UBE2R2: variants seen among roughly 807,000 people sequenced by gnomAD.
UBE2R2 encodes ubiquitin conjugating enzyme E2 R2.
In UBE2R2, 1 loss-of-function variant was observed where a neutral mutation model predicts 27.8. That is an observed-to-expected ratio of 0.04 (90% CI 0.01 to 0.17). UBE2R2 has a LOEUF of 0.17. UBE2R2 is among the 10% of genes least tolerant of loss of function. The pLI is 1.00. For synonymous variants in UBE2R2, 106 were observed against 113.3 expected (o/e 0.94, Z 0.41); for missense variants, 100 against 291.0 (o/e 0.34, Z 4.78).
intron 1 of UBE2R2, among the ~76,000 whole-genome samples, chr9:33,864,291 T>C (rs1489948602): frequency 6.6e-6 from 1 of 152,218 alleles, no homozygotes; most frequent in Non-Finnish European, 1.5e-5. Flanking sequence ...TGAGCTCCTG[T>C]GTTCAGAAGA....
At chr9:33,916,382 A>G (rs1251953732) in intron 4 of UBE2R2, among the ~76,000 whole-genome samples, 1 of 152,150 alleles carries the variant, frequency 6.6e-6, no homozygotes, top group African/African-American at 2.4e-5. Context: ...GGAATCTGGC[A>G]TAGGCATTTG....
At chr9:33,822,766 A>G (rs1197295761) in intron 1 of UBE2R2, among the ~76,000 whole-genome samples, 2 of 151,758 alleles carry the variant, frequency 1.3e-5, no homozygotes, top group Admixed American at 6.6e-5. Context: ...ATTATTTCCT[A>G]TGCTTCATTT....
At chr9:33,825,972 A>G (rs1437220146) in intron 1 of UBE2R2, among the ~76,000 whole-genome samples, 1 of 151,990 alleles carries the variant, frequency 6.6e-6, no homozygotes, top group Non-Finnish European at 1.5e-5. Flanking sequence ...GTGAAACCCC[A>G]TCTCTACTAA....
At chr9:33,911,460 T>A (rs1822489401) in intron 3 of UBE2R2, among the ~76,000 whole-genome samples, 1 of 146,266 alleles carries the variant, frequency 6.8e-6, no homozygotes, top group Non-Finnish European at 1.5e-5. Context: ...ATAGCATCAT[T>A]TTTACCAGCT....
chr9:33,866,655 A>G (rs1821371186), intron 1 of UBE2R2, among the ~76,000 whole-genome samples: 1 of 150,806 alleles, frequency 6.6e-6, no homozygotes, highest in South Asian at 2.1e-4. Flanking sequence ...CAGATCATGA[A>G]AAAAGAAAAT....
intron 2 of UBE2R2, among the ~76,000 whole-genome samples, chr9:33,899,830 G>A (rs1384808554): frequency 1.3e-5 from 2 of 152,150 alleles, no homozygotes. Flanking sequence ...TGTACTATAG[G>A]AATAGTAAGT....
upstream of UBE2R2, among the ~76,000 whole-genome samples, chr9:33,816,729 G>C (rs1240874890): frequency 6.6e-6 from 1 of 152,218 alleles, no homozygotes; most frequent in Non-Finnish European, 1.5e-5. Flanking sequence ...GTGTCACGGG[G>C]AGGGGCCTGC....
At chr9:33,861,878 G>A (rs1821245765) in intron 1 of UBE2R2, among the ~76,000 whole-genome samples, 2 of 138,652 alleles carry the variant, frequency 1.4e-5, no homozygotes, top group African/African-American at 5.3e-5. Flanking sequence ...TTTTAAGACG[G>A]AGTCTCACAC....
At chr9:33,880,279 A>AT (rs1821704459) in intron 1 of UBE2R2, among the ~76,000 whole-genome samples, 1 of 152,088 alleles carries the variant, frequency 6.6e-6, no homozygotes, top group African/African-American at 2.4e-5. Context: ...AAAAATTTCT[A>AT]TTTGAGTATT....
rs1554675837 is a variant in UBE2R2, at chr9:33,887,001, A to AC, written c.264+34_264+35insC. ...ACATCCATCATAAATTTCTCTGAAGATTTTTTTTTTTAAATCAGTACTTTA... is the reference window on the plus strand; with the variant it reads ...ACATCCATCATAAATTTCTCTGAAGACTTTTTTTTTTTAAATCAGTACTTTA... On this transcript the variant is annotated intron_variant, in intron 2 of 4. Transcript: ENST00000263228. 7 of 1,351,036 alleles carry AC rather than the reference A, an allele frequency of 5.2e-6. No homozygotes were observed. The South Asian group carries it at 1.0e-4, about 19-fold the overall frequency. 83.7% of individuals were successfully genotyped at this position (1,351,036 alleles called of 1,614,324 possible).
chr9:33,905,730 T>A (rs1373666478), intron 3 of UBE2R2, among the ~76,000 whole-genome samples: 8 of 152,250 alleles, frequency 5.3e-5, no homozygotes, highest in African/African-American at 1.9e-4. Context: ...TTTGTCATGA[T>A]GTCCTCTTTA....
chr9:33,835,156 T>TG (rs1434978726), intron 1 of UBE2R2, among the ~76,000 whole-genome samples: 4 of 149,550 alleles, frequency 2.7e-5, no homozygotes, highest in African/African-American at 9.8e-5. Flanking sequence ...TTTTTTTTTT[T>TG]TTTTTTTTTG....
chr9:33,846,706 C>G (rs1294474967), intron 1 of UBE2R2, among the ~76,000 whole-genome samples: 1 of 152,132 alleles, frequency 6.6e-6, no homozygotes, highest in Admixed American at 6.6e-5. Context: ...CTAAACTCTG[C>G]CATTGTAGCA....
At chr9:33,821,611 C>CA (rs988729995) in intron 1 of UBE2R2, among the ~76,000 whole-genome samples, 6 of 151,100 alleles carry the variant, frequency 4.0e-5, no homozygotes, top group South Asian at 2.1e-4. Context: ...ATATGCATAA[C>CA]AAAAAAAAAT....
intron 4 of UBE2R2, among the ~76,000 whole-genome samples, chr9:33,913,020 G>A (rs1822528407): frequency 6.6e-6 from 1 of 151,940 alleles, no homozygotes; most frequent in South Asian, 2.1e-4. Flanking sequence ...GAGTGCAGTG[G>A]TGTGATCTCG....
intron 1 of UBE2R2, among the ~76,000 whole-genome samples, chr9:33,885,143 C>T (rs151110348): frequency 3.0e-4 from 46 of 152,274 alleles, no homozygotes; most frequent in Non-Finnish European, 6.0e-4. Context: ...AAACTCTTTA[C>T]TTTCTTGTTG....
chr9:33,873,686 G>A (rs1821537861), intron 1 of UBE2R2, among the ~76,000 whole-genome samples: 1 of 152,118 alleles, frequency 6.6e-6, no homozygotes. Flanking sequence ...TGTCACACAG[G>A]CTGGAATGCA....
intron 3 of UBE2R2, among the ~76,000 whole-genome samples, chr9:33,902,889 C>T (rs552754762): frequency 6.6e-6 from 1 of 152,208 alleles, no homozygotes; most frequent in African/African-American, 2.4e-5. Flanking sequence ...CACCTGAGGT[C>T]GGGAGTTCAA....
intron 1 of UBE2R2, among the ~76,000 whole-genome samples, chr9:33,827,067 G>A (rs975854864): frequency 2.6e-5 from 4 of 152,132 alleles, no homozygotes; most frequent in African/African-American, 7.2e-5. Context: ...GCGCCACTGC[G>A]CTCCAGCCTG....
Sources: allele counts gnomAD v4.1 joint callset (sites outside exome capture counted in the v4.1 genomes callset), GRCh38; gene constraint gnomAD v4.1.1; transcripts MANE v1.5; gene names NCBI Gene and HGNC (gene_info 2026-07-23, HGNC 2026-07-21).